The following TBC1D22A variants were observed in gnomAD, a reference collection of about 807,000 sequenced individuals.
TBC1D22A encodes TBC1 domain family member 22A, also known as putative GTPase activator.
In TBC1D22A, 38 loss-of-function variants were observed where a neutral mutation model predicts 60.2. That is an observed-to-expected ratio of 0.63 (90% CI 0.49 to 0.83). The LOEUF is 0.83. Among genes scored for constraint, TBC1D22A ranks in the 40% least tolerant of loss-of-function variants. The pLI is 0.00. For missense variants in TBC1D22A, 628 were observed against 701.0 expected (o/e 0.90, Z 1.18); for synonymous variants, 302 against 281.7 (o/e 1.07, Z -0.72).
intron 11 of TBC1D22A, among the ~76,000 whole-genome samples, chr22:47,058,987 G>T (rs1277190505): frequency 6.6e-6 from 1 of 152,104 alleles, no homozygotes; most frequent in African/African-American, 2.4e-5. Flanking sequence ...CAAGAACTGC[G>T]GAGTGTCCAG....
intron 10 of TBC1D22A, among the ~76,000 whole-genome samples, chr22:47,027,292 C>G (rs1173211535): frequency 6.6e-6 from 1 of 152,186 alleles, no homozygotes; most frequent in African/African-American, 2.4e-5. Flanking sequence ...CAAAATGAAT[C>G]AGAGACCTAT....
At chr22:46,811,662 G>A (rs985956712) in intron 4 of TBC1D22A, among the ~76,000 whole-genome samples, 3 of 152,246 alleles carry the variant, frequency 2.0e-5, no homozygotes, top group Admixed American at 1.3e-4. Flanking sequence ...GAGGCTCAGT[G>A]TCTGGCTCAG....
chr22:47,092,520 G>T (rs888870772), intron 11 of TBC1D22A, among the ~76,000 whole-genome samples: 13 of 152,194 alleles, frequency 8.5e-5, no homozygotes, highest in Admixed American at 2.6e-4. Context: ...GCATGCCCTG[G>T]GAGCAGACTG....
intron 1 of TBC1D22A, among the ~76,000 whole-genome samples, chr22:46,779,639 G>GA (rs987866856): frequency 2.1e-4 from 32 of 152,298 alleles, no homozygotes; most frequent in African/African-American, 7.0e-4. Flanking sequence ...TTATGTGCGG[G>GA]AAAAAATCAT....
chr22:47,102,687 G>A (rs964348024), intron 11 of TBC1D22A, among the ~76,000 whole-genome samples: 4 of 152,144 alleles, frequency 2.6e-5, no homozygotes, highest in African/African-American at 7.2e-5. Context: ...CCTCTCCTAA[G>A]TTCTGCTCCC....
intron 4 of TBC1D22A, among the ~76,000 whole-genome samples, chr22:46,804,452 C>G (rs2085042146): frequency 6.6e-6 from 1 of 152,138 alleles, no homozygotes; most frequent in South Asian, 2.1e-4. Context: ...CAGTTCTTAC[C>G]AGTTTTTCAG....
At chr22:46,857,045 G>A (rs558701789) in intron 4 of TBC1D22A, among the ~76,000 whole-genome samples, 22 of 152,372 alleles carry the variant, frequency 1.4e-4, no homozygotes, top group Admixed American at 5.9e-4. Context: ...GAATGCCTGT[G>A]TCTCCCATGT....
intron 6 of TBC1D22A, among the ~76,000 whole-genome samples, chr22:46,894,055 C>T (rs2068542745): frequency 6.6e-6 from 1 of 152,242 alleles, no homozygotes; most frequent in Non-Finnish European, 1.5e-5. Flanking sequence ...ATTGCAGCAT[C>T]TCCCTTGGCA....
At chr22:46,904,229 T>TA (rs67975017) in intron 7 of TBC1D22A, among the ~76,000 whole-genome samples, 56,137 of 145,856 alleles carry the variant, frequency 0.38, 13,783 homozygotes, top group African/African-American at 0.68. Context: ...GAAAAAAGAA[T>TA]AAAAAAAAAG....
intron 4 of TBC1D22A, among the ~76,000 whole-genome samples, chr22:46,847,914 A>T (rs1250494451): frequency 7.9e-6 from 1 of 126,572 alleles, no homozygotes; most frequent in Admixed American, 8.1e-5. Context: ...AAGGTACCCT[A>T]GTGGGTGTGT....
At chr22:47,133,868 A>G (rs1194478468) in intron 12 of TBC1D22A, among the ~76,000 whole-genome samples, 1 of 152,056 alleles carries the variant, frequency 6.6e-6, no homozygotes, top group African/African-American at 2.4e-5. Context: ...GCGAGCTCCA[A>G]ACATCCTTCC....
chr22:47,057,790 C>T (rs1031989025), intron 11 of TBC1D22A, among the ~76,000 whole-genome samples: 2 of 152,142 alleles, frequency 1.3e-5, no homozygotes, highest in Non-Finnish European at 2.9e-5. Context: ...TCCCATAACA[C>T]GTGGGGATTA....
chr22:46,839,579 A>C (rs1488219190), intron 4 of TBC1D22A, among the ~76,000 whole-genome samples: 1 of 152,234 alleles, frequency 6.6e-6, no homozygotes, highest in African/African-American at 2.4e-5. Context: ...ATGTTTTGCA[A>C]AAAGAAGAAA....
intron 8 of TBC1D22A, among the ~76,000 whole-genome samples, chr22:46,949,777 A>T (rs1024501194): frequency 1.3e-5 from 2 of 152,254 alleles, no homozygotes; most frequent in African/African-American, 4.8e-5. Context: ...TGCAGTCTTT[A>T]ATGCTGGCTC....
At chr22:46,932,543 A>G (rs556674322) in intron 8 of TBC1D22A, among the ~76,000 whole-genome samples, 3 of 152,130 alleles carry the variant, frequency 2.0e-5, no homozygotes, top group Admixed American at 6.5e-5. Flanking sequence ...GGAAGTAGGA[A>G]GTTTACTTCA....
intron 11 of TBC1D22A, among the ~76,000 whole-genome samples, chr22:47,041,750 G>C (rs1467729687): frequency 6.6e-6 from 1 of 152,248 alleles, no homozygotes; most frequent in Non-Finnish European, 1.5e-5. Flanking sequence ...AGGATTGGCA[G>C]ACGTTTTCTG....
intron 5 of TBC1D22A, among the ~76,000 whole-genome samples, chr22:46,885,511 G>A (rs2068067772): frequency 6.6e-6 from 1 of 152,184 alleles, no homozygotes; most frequent in Non-Finnish European, 1.5e-5. Flanking sequence ...CAATTCGGGG[G>A]CAAAGAAAAA....
At chr22:46,917,723 G>A (rs747289933) in intron 8 of TBC1D22A, among the ~76,000 whole-genome samples, 1 of 152,144 alleles carries the variant, frequency 6.6e-6, no homozygotes, top group Admixed American at 6.5e-5. Flanking sequence ...TGACAGTCGC[G>A]GCTGTGGATG....
At chr22:47,122,906 T>C (rs1278465144) in intron 12 of TBC1D22A, among the ~76,000 whole-genome samples, 1 of 152,220 alleles carries the variant, frequency 6.6e-6, no homozygotes, top group East Asian at 1.9e-4. Flanking sequence ...AGCTCGAGCC[T>C]TGGCCTATTT....
Sources: allele counts gnomAD v4.1 joint callset (sites outside exome capture counted in the v4.1 genomes callset), GRCh38; gene constraint gnomAD v4.1.1; transcripts MANE v1.5; gene names NCBI Gene and HGNC (gene_info 2026-07-23, HGNC 2026-07-21).